ARHGAP24: variants seen among roughly 807,000 people sequenced by gnomAD.
The protein encoded by ARHGAP24 is rho GTPase-activating protein 24.
In ARHGAP24, 50 loss-of-function variants were observed where a neutral mutation model predicts 76.4. The observed-to-expected ratio is 0.65, with a 90% CI of 0.52 to 0.83. The LOEUF (loss-of-function observed/expected upper bound fraction) is 0.83, where lower values mean the gene tolerates loss of function less well. Among genes scored for constraint, ARHGAP24 ranks in the 40% least tolerant of loss-of-function variants. The pLI, the probability that ARHGAP24 is intolerant of heterozygous loss-of-function variation, is 0.00. For missense variants in ARHGAP24, 930 were observed against 914.2 expected (o/e 1.02, Z -0.22); for synonymous variants, 345 against 323.3 (o/e 1.07, Z -0.72).
At chr4:85,584,640 C>T (rs987573056) in intron 2 of ARHGAP24, among the ~76,000 whole-genome samples, 1 of 151,554 alleles carries the variant, frequency 6.6e-6, no homozygotes, top group East Asian at 1.9e-4. Flanking sequence ...ATTGGCAAAA[C>T]GAGGCATACA....
intron 1 of ARHGAP24, among the ~76,000 whole-genome samples, chr4:85,478,920 C>T (rs1722706122): frequency 1.3e-5 from 2 of 152,100 alleles, no homozygotes; most frequent in African/African-American, 2.4e-5. Context: ...TATGTATTTC[C>T]CCTGTCCTCT....
Position 85,605,253 on chromosome 4 carries a change from T to C in ARHGAP24, c.180+34532T>C, listed in dbSNP as rs144866699. ...GACTTTTGTCTCTCAAATTGGAAAA[T>C]GTATTTTTAATCATAATATATTGAC... On this transcript the variant is annotated intron_variant, in intron 2 of 9. Transcript: ENST00000395184. Among the ~76,000 whole-genome samples, 575 of 152,252 alleles carry C rather than the reference T, an allele frequency of 3.8e-3. 15 individuals carry two copies. Among genetic ancestry groups the C allele is most frequent in the Admixed American group, 0.034 (514 of 15,294 alleles).
intron 3 of ARHGAP24, among the ~76,000 whole-genome samples, chr4:85,860,112 A>T (rs1731803619): frequency 6.6e-6 from 1 of 152,112 alleles, no homozygotes; most frequent in South Asian, 2.1e-4. Context: ...TTTCTTTTTA[A>T]ACATGTGCTT....
chr4:85,806,841 A>G lies in ARHGAP24; in HGVS notation c.268+84869A>G, dbSNP rs11930702. 9.9e-3 allele frequency among the ~76,000 whole-genome samples: 1,508 copies of G among 152,334 alleles called. 28 individuals carry two copies. Among genetic ancestry groups the G allele is most frequent in the African/African-American group, 0.034 (1,409 of 41,578 alleles). On this transcript the variant is annotated intron_variant, in intron 3 of 9. Transcript: ENST00000395184. Reference sequence around the variant, plus strand: ...CCCAAAAATATGTAGCTTTTGCTACATATGGCTTTTTCCCAATTTTATTTA... The same window carrying G: ...CCCAAAAATATGTAGCTTTTGCTACGTATGGCTTTTTCCCAATTTTATTTA...
intron 1 of ARHGAP24, among the ~76,000 whole-genome samples, chr4:85,542,649 TAAAAC>T (rs1448386151): frequency 6.6e-5 from 10 of 152,156 alleles, no homozygotes; most frequent in Admixed American, 3.3e-4. Flanking sequence ...AAGGGGGAAA[TAAAAC>T]AAAAGAAATA....
chr4:85,553,386 T>C (rs567023949), intron 1 of ARHGAP24, among the ~76,000 whole-genome samples: 1 of 152,308 alleles, frequency 6.6e-6, no homozygotes, highest in Admixed American at 6.5e-5. Context: ...TACAGAGAGC[T>C]GATTGGTCCA....
chr4:85,619,164 A>G (rs548913010), intron 2 of ARHGAP24, among the ~76,000 whole-genome samples: 1 of 152,140 alleles, frequency 6.6e-6, no homozygotes, highest in Non-Finnish European at 1.5e-5. Context: ...TGCGAGTATA[A>G]TTAAATTCCT....
intron 1 of ARHGAP24, among the ~76,000 whole-genome samples, chr4:85,567,528 G>A (rs1243217758): frequency 6.6e-6 from 1 of 152,200 alleles, no homozygotes; most frequent in African/African-American, 2.4e-5. Context: ...TTTGGGGGAA[G>A]ATCATGTTTC....
At chr4:85,514,546 C>T (rs999969188) in intron 1 of ARHGAP24, among the ~76,000 whole-genome samples, 2 of 151,550 alleles carry the variant, frequency 1.3e-5, no homozygotes. Context: ...AATCCATGTC[C>T]CACTGGAGAA....
At chr4:85,809,469 T>C (rs1728921865) in intron 3 of ARHGAP24, among the ~76,000 whole-genome samples, 1 of 152,228 alleles carries the variant, frequency 6.6e-6, no homozygotes, top group Non-Finnish European at 1.5e-5. Context: ...AATTACCTTA[T>C]TCCATTCAAG....
intron 2 of ARHGAP24, among the ~76,000 whole-genome samples, chr4:85,720,592 G>A (rs1724894347): frequency 6.6e-6 from 1 of 152,140 alleles, no homozygotes; most frequent in Non-Finnish European, 1.5e-5. Context: ...TCCTAGATTA[G>A]AAATATTACT....
At chr4:85,956,713 C>A (rs1201588617) in intron 5 of ARHGAP24, among the ~76,000 whole-genome samples, 1 of 152,142 alleles carries the variant, frequency 6.6e-6, no homozygotes, top group Non-Finnish European at 1.5e-5. Context: ...AGCCTTTAGC[C>A]CGATCGGGAG....
chr4:85,590,323 T>TC (rs1215770012), intron 2 of ARHGAP24, among the ~76,000 whole-genome samples: 1 of 150,618 alleles, frequency 6.6e-6, no homozygotes, highest in East Asian at 2.0e-4. Flanking sequence ...TTCCTTTTTT[T>TC]CTCCCTTTCT....
rs1440196789 is a variant in ARHGAP24, at chr4:85,690,790, C to G, written c.181-31095C>G. 3.5e-5 allele frequency among the ~76,000 whole-genome samples: 5 copies of G among 141,470 alleles called. No individual in the cohort carries two copies. The Admixed American group carries it at 3.7e-4, about 10-fold the overall frequency. The allele number at this position is 141,470 out of a possible 152,430, so 92.8% of individuals were successfully genotyped here. A position where few individuals can be genotyped will look rare whatever the true frequency, so the allele number is the denominator to read the frequency against. On this transcript the variant is annotated intron_variant, in intron 2 of 9. Transcript: ENST00000395184. ...TTTTTTTTATTTCATGGAACCAACT[C>G]TTGGTTTCATCGATCTTTTGTATGG...
chr4:85,874,266 A>T (rs1039613448), intron 3 of ARHGAP24, among the ~76,000 whole-genome samples: 27 of 152,146 alleles, frequency 1.8e-4, no homozygotes, highest in African/African-American at 6.5e-4. Flanking sequence ...TTTGAGATGG[A>T]GGTCTCAAAG....
intron 3 of ARHGAP24, among the ~76,000 whole-genome samples, chr4:85,877,394 G>A (rs1732997208): frequency 6.6e-6 from 1 of 152,162 alleles, no homozygotes; most frequent in African/African-American, 2.4e-5. Context: ...GGAGGCCCAG[G>A]CAAGTGGATT....
At chr4:85,983,922 T>C (rs1449506463) in intron 8 of ARHGAP24, among the ~76,000 whole-genome samples, 1 of 152,222 alleles carries the variant, frequency 6.6e-6, no homozygotes, top group Admixed American at 6.5e-5. Context: ...ACAATAATAA[T>C]CTTTTAAAAT....
At chr4:85,747,651 C>T (rs1475413517) in intron 3 of ARHGAP24, among the ~76,000 whole-genome samples, 1 of 152,094 alleles carries the variant, frequency 6.6e-6, no homozygotes, top group Non-Finnish European at 1.5e-5. Flanking sequence ...TGCAGTGAGC[C>T]GAGATTGTGC....
chr4:85,860,364 T>C (rs345357), intron 3 of ARHGAP24, among the ~76,000 whole-genome samples: 144,934 of 152,150 alleles, frequency 0.95, 69,487 homozygotes, highest in East Asian at 1. Flanking sequence ...TTTACAGAGA[T>C]GGTCTCTCCA....
Sources: gnomAD v4.1 joint callset for allele counts (sites outside exome capture counted in the v4.1 genomes callset) on GRCh38, gnomAD v4.1.1 for gene constraint, MANE v1.5 for transcripts, NCBI Gene and HGNC (gene_info 2026-07-23, HGNC 2026-07-21) for gene names.